Variants in POT1 observed in about 807,000 individuals in gnomAD.
The protein encoded by POT1 is protection of telomeres protein 1.
POT1 carries 47 observed loss-of-function variants against 78.5 expected under a neutral mutation model. The ratio of observed to expected loss-of-function variants is 0.60; its 90% CI spans 0.47 to 0.76. The LOEUF is 0.76. Among genes scored for constraint, POT1 ranks in the 30% least tolerant of loss-of-function variants. The probability of loss-of-function intolerance (pLI) is 0.00; values close to 1 mark genes in which losing one functional copy is unlikely to be tolerated. For missense variants in POT1, 646 were observed against 749.9 expected (o/e 0.86, Z 1.62); for synonymous variants, 259 against 260.7 (o/e 0.99, Z 0.06).
chr7:124,881,219 A>C (rs1317090296), intron 6 of POT1, among the ~76,000 whole-genome samples: 1 of 151,918 alleles, frequency 6.6e-6, no homozygotes, highest in Non-Finnish European at 1.5e-5. Flanking sequence ...ACAATGTCCC[A>C]GCATCATTAC....
intron 14 of POT1, chr7:124,840,726 C>T (rs941665184): frequency 3.4e-6 from 1 of 292,058 alleles, no homozygotes; most frequent in African/African-American, 2.2e-5. Context: ...AAAATGCAAT[C>T]CAACAATATA....
chr7:124,897,897 T>C (rs1000940990), intron 4 of POT1, among the ~76,000 whole-genome samples: 5 of 151,940 alleles, frequency 3.3e-5, no homozygotes, highest in South Asian at 2.1e-4. Flanking sequence ...ACGAATAAAG[T>C]AGGAGAAGGA....
intron 16 of POT1, chr7:124,828,972 A>G: frequency 1.5e-6 from 1 of 647,300 alleles, no homozygotes; most frequent in Non-Finnish European, 2.9e-6. Context: ...CTGAATGCCA[A>G]ATTCTGAGAA....
At chr7:124,826,713 T>C (rs889880664) in intron 17 of POT1, among the ~76,000 whole-genome samples, 2 of 151,958 alleles carry the variant, frequency 1.3e-5, no homozygotes, top group Admixed American at 6.6e-5. Context: ...TCTACAAAAA[T>C]ACAAAAATTA....
At chr7:124,898,795 A>G (rs1584511541) in intron 3 of POT1, among the ~76,000 whole-genome samples, 1 of 152,244 alleles carries the variant, frequency 6.6e-6, no homozygotes, top group Middle Eastern at 3.4e-3. Context: ...GTGCATACAA[A>G]TACAGGGCAT....
At chr7:124,908,122 T>C (rs1401838889) in intron 3 of POT1, among the ~76,000 whole-genome samples, 1 of 152,038 alleles carries the variant, frequency 6.6e-6, no homozygotes, top group Non-Finnish European at 1.5e-5. Context: ...AAAACACTTA[T>C]TTGACTTTAA....
intron 6 of POT1, among the ~76,000 whole-genome samples, chr7:124,882,947 C>T (rs927862403): frequency 1.1e-4 from 16 of 151,872 alleles, no homozygotes; most frequent in Non-Finnish European, 2.4e-4. Context: ...GTCTTTTCTC[C>T]ATCTCCATTC....
rs186492954 is a variant in POT1 at position 124,874,338 on chromosome 7, C to T, written c.125-3297G>A. Among the ~76,000 whole-genome samples the T allele has an allele frequency of 2.0e-5, 3 of 152,010 alleles. No homozygotes were observed. In the East Asian group the frequency reaches 5.8e-4, roughly 29 times the overall value. Reference sequence around the variant, plus strand: ...TCAAGTTTCCCACTCAAGGGGAGGGCGTATTAGAGAAACAAACTACTTACA... The same window carrying T: ...TCAAGTTTCCCACTCAAGGGGAGGGTGTATTAGAGAAACAAACTACTTACA... On this transcript the variant is annotated intron_variant, in intron 6 of 18. Coordinates refer to ENST00000357628, the MANE Select transcript of POT1 (RefSeq NM_015450.3).
intron 14 of POT1, among the ~76,000 whole-genome samples, chr7:124,838,612 T>G (rs1027926087): frequency 4.0e-5 from 6 of 148,808 alleles, no homozygotes; most frequent in African/African-American, 1.5e-4. Context: ...ATGGCAATCT[T>G]TTTTTTTTTT....
At chr7:124,867,688 C>T (rs1249482493) in intron 7 of POT1, among the ~76,000 whole-genome samples, 1 of 151,734 alleles carries the variant, frequency 6.6e-6, no homozygotes, top group African/African-American at 2.4e-5. Flanking sequence ...GCTCTGTCAC[C>T]CAGGCTGGAG....
At chr7:124,828,999 G>A in intron 16 of POT1, 1 of 684,130 alleles carries the variant, frequency 1.5e-6, no homozygotes. Flanking sequence ...TGGTAAAGTG[G>A]AATGCTTACT....
chr7:124,832,115 C>T (rs1044681688), intron 15 of POT1, among the ~76,000 whole-genome samples: 2 of 150,218 alleles, frequency 1.3e-5, no homozygotes, highest in Non-Finnish European at 3.0e-5. Flanking sequence ...AAAAATTAGC[C>T]AGGTGTGGTG....
intron 3 of POT1, among the ~76,000 whole-genome samples, chr7:124,909,513 G>C (rs1360032461): frequency 2.0e-5 from 3 of 151,638 alleles, no homozygotes; most frequent in African/African-American, 4.8e-5. Context: ...TTAATAAATT[G>C]GTATATTAGA....
At chr7:124,835,248 A>G (rs770691849) in intron 15 of POT1, 31 bp downstream of exon 15, 1 of 1,505,138 alleles carries the variant, frequency 6.6e-7, no homozygotes, top group Non-Finnish European at 8.8e-7. Context: ...ATAATAAACA[A>G]AACAAAACAA....
intron 2 of POT1, among the ~76,000 whole-genome samples, chr7:124,927,069 C>T (rs1481341): frequency 0.6 from 91,309 of 151,938 alleles, 27,564 homozygotes; most frequent in African/African-American, 0.65. Context: ...GTTTCCCACA[C>T]CTATTTACAA....
intron 14 of POT1, among the ~76,000 whole-genome samples, chr7:124,836,722 T>C (rs1015295217): frequency 6.6e-6 from 1 of 152,160 alleles, no homozygotes; most frequent in African/African-American, 2.4e-5. Flanking sequence ...AGTTTCCCCA[T>C]TTGCAAAACT....
chr7:124,866,434 T>C (rs1262539558), intron 7 of POT1, among the ~76,000 whole-genome samples: 1 of 152,026 alleles, frequency 6.6e-6, no homozygotes, highest in Non-Finnish European at 1.5e-5. Context: ...ATCCATTTCA[T>C]GTTCAACCAC....
intron 6 of POT1, among the ~76,000 whole-genome samples, chr7:124,886,963 T>C (rs1796256687): frequency 1.3e-5 from 2 of 152,148 alleles, no homozygotes; most frequent in African/African-American, 4.8e-5. Context: ...AAATTATATC[T>C]TCTATAGATA....
At chr7:124,869,363 A>G (rs1262104412) in intron 7 of POT1, among the ~76,000 whole-genome samples, 3 of 152,084 alleles carry the variant, frequency 2.0e-5, no homozygotes, top group Non-Finnish European at 4.4e-5. Context: ...AAGTTTCCAG[A>G]GTGTTAGCTA....
Sources: allele counts gnomAD v4.1 joint callset (sites outside exome capture counted in the v4.1 genomes callset), GRCh38; gene constraint gnomAD v4.1.1; transcripts MANE v1.5; gene names NCBI Gene and HGNC (gene_info 2026-07-23, HGNC 2026-07-21).